FALEC: variants seen among roughly 807,000 people sequenced by gnomAD.
FALEC encodes the protein focally amplified lncRNA regulator of ECM1.
chr1:150,532,921 C>G, the FALEC span, among the ~76,000 whole-genome samples: 1 of 152,194 alleles, frequency 6.6e-6, no homozygotes, highest in Non-Finnish European at 1.5e-5. Flanking sequence ...TGCTGACACC[C>G]TAGCAGCCAG....
downstream of FALEC, among the ~76,000 whole-genome samples, chr1:150,522,981 A>T (rs1456765271): frequency 0.28 from 6,025 of 21,378 alleles, 1,909 homozygotes; most frequent in African/African-American, 0.45. Flanking sequence ...ATATATATAT[A>T]TATTTTTTTT....
At chr1:150,520,020 A>C (rs958332094), downstream of FALEC, among the ~76,000 whole-genome samples, 2 of 151,766 alleles carry the variant, frequency 1.3e-5, no homozygotes, top group Admixed American at 6.6e-5. Flanking sequence ...GTGGTGGTGC[A>C]TGCCTGTATT....
chr1:150,530,693 G>A, the FALEC span, among the ~76,000 whole-genome samples: 1 of 152,214 alleles, frequency 6.6e-6, no homozygotes, highest in Non-Finnish European at 1.5e-5. Context: ...TCTACGGGCC[G>A]AAGCACTGAG....
chr1:150,518,889 T>G (rs1339573339), downstream of FALEC, among the ~76,000 whole-genome samples: 3 of 151,856 alleles, frequency 2.0e-5, no homozygotes, highest in African/African-American at 7.3e-5. Context: ...AAACCACGTC[T>G]CTACCAAAAA....
At chr1:150,531,549 C>A in the FALEC span, among the ~76,000 whole-genome samples, 1 of 152,132 alleles carries the variant, frequency 6.6e-6, no homozygotes, top group Non-Finnish European at 1.5e-5. Context: ...TTATCTGCAA[C>A]AATTAACCTG....
chr1:150,534,301 C>T, the FALEC span, among the ~76,000 whole-genome samples: 1 of 152,156 alleles, frequency 6.6e-6, no homozygotes, highest in Non-Finnish European at 1.5e-5. Flanking sequence ...AGAGGGATGC[C>T]CTTTGTCCAG....
the FALEC span, among the ~76,000 whole-genome samples, chr1:150,532,292 C>T: frequency 6.6e-6 from 1 of 152,214 alleles, no homozygotes; most frequent in Non-Finnish European, 1.5e-5. Flanking sequence ...GGACCGTCCT[C>T]TGTCAGTTCC....
chr1:150,520,218 A>G (rs587760862), downstream of FALEC, among the ~76,000 whole-genome samples: 2 of 152,320 alleles, frequency 1.3e-5, no homozygotes, highest in Middle Eastern at 3.4e-3. Context: ...TGTACAACTC[A>G]GTGGCATTAA....
chr1:150,516,641 T>C (rs756176003), intron 1 of FALEC, among the ~76,000 whole-genome samples: 4 of 152,212 alleles, frequency 2.6e-5, no homozygotes, highest in Non-Finnish European at 4.4e-5. Flanking sequence ...TATTAAAATA[T>C]AACTTGCTCA....
At chr1:150,517,986 T>C (rs1447566770) in exon 2 of FALEC, 3 of 152,168 alleles carry the variant, frequency 2.0e-5, no homozygotes, top group African/African-American at 7.2e-5. Context: ...TTAATGTATT[T>C]CTGCACTCTA....
chr1:150,518,662 A>G (rs1332812117), downstream of FALEC, among the ~76,000 whole-genome samples: 2 of 151,788 alleles, frequency 1.3e-5, no homozygotes, highest in Non-Finnish European at 2.9e-5. Context: ...TGCTGGGATT[A>G]TAAGCGTGAG....
intron 1 of FALEC, among the ~76,000 whole-genome samples, chr1:150,517,370 G>C (rs184734027): frequency 6.6e-6 from 1 of 151,938 alleles, no homozygotes; most frequent in African/African-American, 2.4e-5. Context: ...TCAGGAGATA[G>C]GGTTGAGAGA....
chr1:150,519,265 G>A (rs868378311), downstream of FALEC, among the ~76,000 whole-genome samples: 5 of 152,016 alleles, frequency 3.3e-5, no homozygotes, highest in Non-Finnish European at 4.4e-5. Context: ...TCACTCAATC[G>A]CTTGTTAAAA....
At chr1:150,532,475 G>A in the FALEC span, among the ~76,000 whole-genome samples, 1 of 152,190 alleles carries the variant, frequency 6.6e-6, no homozygotes, top group Non-Finnish European at 1.5e-5. Context: ...ATGCTGGTTG[G>A]GAGGGAGTGG....
chr1:150,525,041 A>G, the FALEC span, among the ~76,000 whole-genome samples: 1 of 151,306 alleles, frequency 6.6e-6, no homozygotes, highest in Admixed American at 6.6e-5. Context: ...TCACGCCTGT[A>G]ATTCCAGCAC....
intron 1 of FALEC, among the ~76,000 whole-genome samples, chr1:150,516,862 A>C (rs587684719): frequency 2.6e-5 from 4 of 152,286 alleles, no homozygotes; most frequent in African/African-American, 4.8e-5. Context: ...GAAGACTACA[A>C]CACCACCTTC....
At chr1:150,517,082 C>G (rs7513247) in intron 1 of FALEC, among the ~76,000 whole-genome samples, 1 of 151,758 alleles carries the variant, frequency 6.6e-6, no homozygotes, top group African/African-American at 2.4e-5. Flanking sequence ...GTGGATCAAC[C>G]GAGGTCAGGA....
the FALEC span, among the ~76,000 whole-genome samples, chr1:150,523,444 C>T: frequency 2.0e-5 from 3 of 151,298 alleles, no homozygotes; most frequent in African/African-American, 7.3e-5. Context: ...CACCTGAGGT[C>T]AGGAGTTCGA....
chr1:150,516,894 G>T (rs1344048074), intron 1 of FALEC, among the ~76,000 whole-genome samples: 1 of 152,182 alleles, frequency 6.6e-6, no homozygotes, highest in East Asian at 1.9e-4. Context: ...CGTCTGTGGA[G>T]ACTTGAACAT....
Sources: gnomAD v4.1 joint callset for allele counts (sites outside exome capture counted in the v4.1 genomes callset) on GRCh38, gnomAD v4.1.1 for gene constraint, MANE v1.5 for transcripts, NCBI Gene and HGNC (gene_info 2026-07-23, HGNC 2026-07-21) for gene names.